EXO1: variants seen among roughly 807,000 people sequenced by gnomAD.
EXO1 encodes exonuclease 1.
A neutral mutation model predicts 84.5 loss-of-function variants in EXO1; 69 were observed. The observed-to-expected ratio is 0.82, with a 90% CI of 0.67 to 1.00. The LOEUF (loss-of-function observed/expected upper bound fraction) is 1.00. Ranked by LOEUF, EXO1 falls within the 50% of genes least tolerant of loss-of-function variation. The pLI, the probability that EXO1 is intolerant of heterozygous loss-of-function variation, is 0.00. For missense variants in EXO1, 1,045 were observed against 1,000.7 expected (o/e 1.04, Z -0.60); for synonymous variants, 373 against 366.1 (o/e 1.02, Z -0.21).
At chr1:241,883,921 ATT>A (rs1491370927) in intron 14 of EXO1, among the ~76,000 whole-genome samples, 1 of 152,142 alleles carries the variant, frequency 6.6e-6, no homozygotes, top group African/African-American at 2.4e-5. Context: ...TATTATTATT[ATT>A]ATTCTCAGAC....
intron 15 of EXO1, among the ~76,000 whole-genome samples, chr1:241,887,154 A>G (rs919242287): frequency 6.6e-5 from 10 of 152,192 alleles, no homozygotes; most frequent in African/African-American, 1.7e-4. Context: ...GTTTTATTGC[A>G]GTCCACTGGT....
intron 6 of EXO1, among the ~76,000 whole-genome samples, chr1:241,855,344 G>A (rs541871310): frequency 4.6e-5 from 7 of 152,316 alleles, no homozygotes; most frequent in African/African-American, 1.4e-4. Context: ...AGAGCAGCTA[G>A]ATACAGAGTG....
chr1:241,871,324 G>T (rs1458967546), intron 11 of EXO1, among the ~76,000 whole-genome samples: 1 of 152,186 alleles, frequency 6.6e-6, no homozygotes, highest in Non-Finnish European at 1.5e-5. Context: ...ACTTCACAAA[G>T]ATTATAGTAG....
At chr1:241,855,653 C>G (rs549387485) in intron 6 of EXO1, among the ~76,000 whole-genome samples, 1 of 152,196 alleles carries the variant, frequency 6.6e-6, no homozygotes, top group Non-Finnish European at 1.5e-5. Context: ...TGGGGAGGCT[C>G]GGGCGGCACA....
chr1:241,850,655 C>A, intron 4 of EXO1, 69 bp downstream of exon 4: 1 of 1,290,360 alleles, frequency 7.7e-7, no homozygotes, highest in South Asian at 1.2e-5. Context: ...TTTTTCTCCC[C>A]CAGAAACGGA....
chr1:241,855,882 C>G lies in EXO1; in HGVS notation c.406-1463C>G, dbSNP rs1660995211. Reference sequence around the variant, plus strand: ...CGGCCGGCTGCTCTGAGTGCGGGGCCGCCAAGCCCACGCCCACCCGGAACT... The same window carrying G: ...CGGCCGGCTGCTCTGAGTGCGGGGCGGCCAAGCCCACGCCCACCCGGAACT... On this transcript the variant is annotated intron_variant, in intron 6 of 15. Transcript: ENST00000366548. Among the ~76,000 whole-genome samples the G allele has an allele frequency of 2.6e-5, 4 of 152,234 alleles. No homozygotes were observed. The South Asian group carries it at 8.3e-4, about 31-fold the overall frequency.
Position 241,879,120 on chromosome 1 carries a change from C to T in EXO1, c.1886C>T (p.Ala629Val), listed in dbSNP as rs1662583833. ...SRTPSPSPST[A>V]LQQFRRKSDS... ...ACGCCGAGCCCCTCTCCAAGCACAG[C>T]ATTGCAGCAGTTCCGAAGAAAGAGC... Residue 629 changes from alanine to valine, a missense_variant, in exon 13 of 16, where the codon GCA becomes GTA. By Grantham distance (64) the Ala-to-Val change is moderately conservative. Transcript: ENST00000366548. The T allele has an allele frequency of 6.2e-7, 1 of 1,612,560 alleles. No individual in the cohort carries two copies. Among genetic ancestry groups the T allele is most frequent in the Admixed American group, 1.7e-5 (1 of 60,008 alleles).
At chr1:241,854,954 C>T (rs532320156) in intron 6 of EXO1, among the ~76,000 whole-genome samples, 4 of 151,946 alleles carry the variant, frequency 2.6e-5, no homozygotes, top group Admixed American at 2.0e-4. Flanking sequence ...TGGAGTTGTT[C>T]GTTCCTCCCT....
intron 12 of EXO1, among the ~76,000 whole-genome samples, chr1:241,874,069 C>T (rs1662261068): frequency 6.6e-6 from 1 of 152,104 alleles, no homozygotes; most frequent in Admixed American, 6.6e-5. Context: ...TGTATGCCAA[C>T]GTGGGAACTT....
intron 12 of EXO1, among the ~76,000 whole-genome samples, chr1:241,875,600 C>T (rs185347460): frequency 1.1e-4 from 17 of 152,262 alleles, no homozygotes; most frequent in Admixed American, 4.6e-4. Context: ...CTGATTGGGC[C>T]GGCCGTGGTG....
intron 6 of EXO1, among the ~76,000 whole-genome samples, chr1:241,856,813 T>C (rs181287091): frequency 9.2e-5 from 14 of 152,332 alleles, no homozygotes; most frequent in African/African-American, 3.4e-4. Flanking sequence ...AGTGGATCAC[T>C]TGAGTCCAGG....
rs182697290 is a variant in EXO1 at position 241,889,606 on chromosome 1, G to A, written c.*6G>A. 232 of 1,613,918 alleles carry A rather than the reference G, an allele frequency of 1.4e-4. 3 individuals are homozygous for A. The African/African-American group carries it at 2.5e-3, about 18-fold the overall frequency. Reference sequence around the variant, plus strand: ...AAAGAGCAATATTCCAGTAAATGCAGACTGCTGCAAAGCTTTTGCCTGCAA... The same window carrying A: ...AAAGAGCAATATTCCAGTAAATGCAAACTGCTGCAAAGCTTTTGCCTGCAA... On this transcript the variant is annotated 3_prime_UTR_variant, in exon 16 of 16. Transcript: ENST00000366548.
Position 241,882,011 on chromosome 1 carries a change from G to T in EXO1, c.2205G>T (p.Arg735Ser), listed in dbSNP as rs763086306. The stretch of plus-strand genomic sequence containing the variant: ...TCTCAAAAAAAGACACACCTCTAAG[G>T]AACAAGGTAAAACATTTATTTAATT... ...SHFSKKDTPL[R>S]NKVPGLYKSS... The change falls in exon 14 of 16, where the codon AGG (arginine) becomes AGT (serine). Residue 735 changes from arginine (R) to serine (S), a missense_variant. Coordinates refer to ENST00000366548, the MANE Select transcript of EXO1 (RefSeq NM_130398.4). 3.4e-6 allele frequency: 5 copies of T among 1,471,008 alleles called. No homozygotes were observed. In the African/African-American group the frequency reaches 5.5e-5, roughly 16 times the overall value. The allele number at this position is 1,471,008 out of a possible 1,614,324, so 91.1% of individuals were successfully genotyped here. A position where few individuals can be genotyped will look rare whatever the true frequency, so the allele number is the denominator to read the frequency against.
chr1:241,851,829 G>A (rs1202461680), intron 4 of EXO1, among the ~76,000 whole-genome samples: 2 of 152,138 alleles, frequency 1.3e-5, no homozygotes, highest in Non-Finnish European at 2.9e-5. Flanking sequence ...TGAGACAAGT[G>A]TACCAATTAT....
At chr1:241,885,674 A>C in intron 15 of EXO1, 167 bp downstream of exon 15, 1 of 655,712 alleles carries the variant, frequency 1.5e-6, no homozygotes, top group South Asian at 1.6e-5. Context: ...CTTAATATCA[A>C]TTTCTATACC....
chr1:241,886,009 A>T (rs1371181026), intron 15 of EXO1, among the ~76,000 whole-genome samples: 1 of 151,698 alleles, frequency 6.6e-6, no homozygotes, highest in East Asian at 1.9e-4. Flanking sequence ...ATGCACCACC[A>T]CGCCTGGCTA....
chr1:241,879,343 G>C lies in EXO1; in HGVS notation c.2109G>C (p.Glu703Asp). 1 of 1,565,316 alleles carries C rather than the reference G, an allele frequency of 6.4e-7. No individual in the cohort carries two copies. Among genetic ancestry groups the C allele is most frequent in the East Asian group, 2.2e-5 (1 of 44,636 alleles). The change falls in exon 13 of 16, where the codon GAG becomes GAC. Residue 703 changes from glutamate to aspartate, a missense_variant and splice_region_variant. Glu to Asp is a conservative substitution (Grantham distance 45). Coordinates refer to ENST00000366548, the MANE Select transcript of EXO1 (RefSeq NM_130398.4). ...SQCSSKDSDSEESDCNIKLLD... is the reference protein window; with the variant it reads ...SQCSSKDSDSDESDCNIKLLD... ...GCTCTAGTAAGGACTCTGATTCAGA[G>C]GTAAGTCAAATCCTGAAGGCTTTGT...
chr1:241,858,395 CT>C, intron 7 of EXO1, 110 bp from the exon 8 acceptor site: 1 of 712,542 alleles, frequency 1.4e-6, no homozygotes, highest in Non-Finnish European at 2.5e-6. Flanking sequence ...TGTCTCCTGT[CT>C]TTCAGTGTTA....
rs763266659 is a variant in EXO1, at chr1:241,879,205, G to A, written c.1971G>A (p.Glu657=). The change falls in exon 13 of 16, where the codon GAG becomes GAA. Residue 657 remains glutamate (E), a synonymous_variant. Transcript: ENST00000366548. The part of the protein sequence containing the change: ...NMSDVSQLKS[E]ESSDDESHPL... ...CTGATGTGTCGCAGTTAAAGAGCGA[G>A]GAGTCCAGTGACGATGAGTCTCATC... 4.4e-5 allele frequency: 70 copies of A among 1,602,386 alleles called. No individual in the cohort carries two copies. The highest frequency in any genetic ancestry group is 1.4e-4 in the South Asian group (13 of 90,332).
Sources: gnomAD v4.1 joint callset for allele counts (sites outside exome capture counted in the v4.1 genomes callset) on GRCh38, gnomAD v4.1.1 for gene constraint, MANE v1.5 for transcripts, NCBI Gene and HGNC (gene_info 2026-07-23, HGNC 2026-07-21) for gene names.